The following GRID1 variants were observed in gnomAD, a reference collection of about 807,000 sequenced individuals.
GRID1 encodes glutamate ionotropic receptor delta type subunit 1, also known as glutamate receptor ionotropic, delta-1.
GRID1 carries 28 observed loss-of-function variants against 98.0 expected under a neutral mutation model. The observed-to-expected ratio is 0.29, with a 90% CI of 0.21 to 0.39. GRID1 has a LOEUF of 0.39. Ranked by LOEUF, GRID1 falls within the 10% of genes least tolerant of loss-of-function variation. The pLI is 1.00. For missense variants in GRID1, 1,111 were observed against 1,340.5 expected (o/e 0.83, Z 2.67); for synonymous variants, 553 against 538.5 (o/e 1.03, Z -0.37).
intron 4 of GRID1, among the ~76,000 whole-genome samples, chr10:86,013,870 G>A (rs1036455992): frequency 2.6e-5 from 4 of 152,204 alleles, no homozygotes. Context: ...ACTTAGTTAA[G>A]TTTTGTGGAA....
intron 4 of GRID1, among the ~76,000 whole-genome samples, chr10:86,074,053 T>A (rs1843842821): frequency 6.6e-6 from 1 of 152,238 alleles, no homozygotes; most frequent in South Asian, 2.1e-4. Context: ...ATAGTCCATC[T>A]GTTCAAAACA....
chr10:86,189,493 C>G (rs1760334958), intron 3 of GRID1, among the ~76,000 whole-genome samples: 1 of 151,694 alleles, frequency 6.6e-6, no homozygotes, highest in African/African-American at 2.4e-5. Context: ...CATCCCTACC[C>G]TCTACACACA....
intron 3 of GRID1, among the ~76,000 whole-genome samples, chr10:86,171,170 T>A (rs1425845204): frequency 6.6e-6 from 1 of 152,200 alleles, no homozygotes; most frequent in Non-Finnish European, 1.5e-5. Flanking sequence ...GTGCAGCCAC[T>A]ATGAAAAGCA....
At chr10:85,646,887 C>T (rs1843200516) in intron 13 of GRID1, 2 of 365,210 alleles carry the variant, frequency 5.5e-6, no homozygotes, top group East Asian at 1.0e-4. Flanking sequence ...CTGCTTTTGC[C>T]AATTGTTCTC....
At chr10:85,748,355 G>C (rs1842016527) in intron 8 of GRID1, among the ~76,000 whole-genome samples, 3 of 152,164 alleles carry the variant, frequency 2.0e-5, no homozygotes, top group Admixed American at 2.0e-4. Flanking sequence ...CAATTCATGT[G>C]ACTATCCTAT....
chr10:86,148,800 A>G (rs1354778297), intron 3 of GRID1, among the ~76,000 whole-genome samples: 2 of 152,182 alleles, frequency 1.3e-5, no homozygotes, highest in African/African-American at 2.4e-5. Context: ...GATTAGGAAA[A>G]GGCACGGAGA....
At chr10:85,764,760 C>A (rs1399524887) in intron 8 of GRID1, among the ~76,000 whole-genome samples, 2 of 152,208 alleles carry the variant, frequency 1.3e-5, no homozygotes, top group African/African-American at 2.4e-5. Context: ...TTACTCTGCA[C>A]ATAGCTTGCA....
Position 85,602,615 on chromosome 10 carries a change from C to T in GRID1, c.2688G>A (p.Ala896=), listed in dbSNP as rs3750688. 7.3e-5 allele frequency: 118 copies of T among 1,613,982 alleles called. No individual in the cohort carries two copies. In the East Asian group the frequency reaches 1.8e-3, roughly 24 times the overall value. Residue 896 remains alanine (A), a synonymous_variant, in exon 16 of 16, where the codon GCG becomes GCA. Transcript: ENST00000327946. ...TCTCCAGGGCCGAGAGCTCAATCGA[C>T]GCTGGGGAAATCTGCTTGTGAGCAA... ...EDIAHKQISP[A]SIELSALEMG...
At chr10:85,720,832 C>T (rs865868759) in intron 12 of GRID1, among the ~76,000 whole-genome samples, 3 of 152,040 alleles carry the variant, frequency 2.0e-5, no homozygotes, top group African/African-American at 7.2e-5. Flanking sequence ...ACATCAAAAG[C>T]GTGATTCGTG....
At chr10:85,607,499 A>G (rs1590156310) in intron 15 of GRID1, among the ~76,000 whole-genome samples, 1 of 152,200 alleles carries the variant, frequency 6.6e-6, no homozygotes, top group African/African-American at 2.4e-5. Context: ...GGGGTCTGAG[A>G]GTATTGGCTG....
chr10:85,704,816 T>G lies in GRID1; in HGVS notation c.1997+18187A>C, dbSNP rs571938412. On this transcript the variant is annotated intron_variant, in intron 12 of 15. Transcript: ENST00000327946. ...AACTAGAACTCAGGATTAAGAAACT[T>G]ACTCAAAACCGCTCAACTACATGGA... 1.6e-3 allele frequency among the ~76,000 whole-genome samples: 247 copies of G among 152,124 alleles called. 6 individuals carry two copies. The South Asian group carries it at 0.048, about 30-fold the overall frequency.
rs1840993442 is a variant in GRID1, at chr10:85,880,666, A to T, written c.781-11486T>A. ...CTATGACAAACCCACAGCCAATATC[A>T]TACTGAATGGGCAAAAACTGGAAGC... On this transcript the variant is annotated intron_variant, in intron 5 of 15. Transcript: ENST00000327946. Among the ~76,000 whole-genome samples, 5 of 152,146 alleles carry T rather than the reference A, an allele frequency of 3.3e-5. No homozygotes were observed. In the South Asian group the frequency reaches 1.0e-3, roughly 32 times the overall value.
chr10:85,997,607 C>G (rs1842755481), intron 4 of GRID1, among the ~76,000 whole-genome samples: 1 of 150,784 alleles, frequency 6.6e-6, no homozygotes, highest in Admixed American at 6.6e-5. Flanking sequence ...TACATAAAAC[C>G]AAAAGGAATG....
intron 4 of GRID1, among the ~76,000 whole-genome samples, chr10:85,925,196 A>T (rs187781647): frequency 6.6e-6 from 1 of 152,290 alleles, no homozygotes; most frequent in East Asian, 1.9e-4. Context: ...AGGGCACAGA[A>T]ACCAAATAAG....
At position 85,867,879 on chromosome 10, in the gene GRID1, G is replaced by A. The variant is rs531915884; in HGVS notation, c.951+1131C>T. ...AAAACATTTCTCATGTTTACCATCC[G>A]TTGAGGCATGTTTCCTTTTTCTCTC... On this transcript the variant is annotated intron_variant, in intron 6 of 15. Transcript: ENST00000327946. Among the ~76,000 whole-genome samples the A allele has an allele frequency of 1.1e-4, 17 of 152,312 alleles. No homozygotes were observed. The East Asian group carries it at 1.5e-3, about 14-fold the overall frequency.
intron 8 of GRID1, among the ~76,000 whole-genome samples, chr10:85,801,493 A>G (rs1032436917): frequency 2.6e-5 from 4 of 151,932 alleles, no homozygotes; most frequent in African/African-American, 9.6e-5. Flanking sequence ...CTTTAAAACA[A>G]ATTCTAAATA....
At position 85,820,003 on chromosome 10, in the gene GRID1, AAGGAAGGAAGGAAGGAAGGAAGGAAGGC is replaced by A. The variant is rs1842749180; in HGVS notation, c.1233+34465_1233+34492del. On this transcript the variant is annotated intron_variant, in intron 8 of 15. Transcript: ENST00000327946. ...GAAGGAAGGAAGGAAGGAAGGAAGG[AAGGAAGGAAGGAAGGAAGGAAGGAAGGC>A]AGGCAGGCAGGCAGGCAGGCAGGCA... Among the ~76,000 whole-genome samples, 7 of 116,358 alleles carry A rather than the reference AAGGAAGGAAGGAAGGAAGGAAGGAAGGC, an allele frequency of 6.0e-5. No homozygotes were observed. The Admixed American group carries it at 6.0e-4, about 10-fold the overall frequency. 76.3% of individuals were successfully genotyped at this position (116,358 alleles called of 152,430 possible). A position where few individuals can be genotyped will look rare whatever the true frequency, so the allele number is the denominator to read the frequency against.
At chr10:85,768,819 C>A (rs1397604227) in intron 8 of GRID1, among the ~76,000 whole-genome samples, 1 of 152,194 alleles carries the variant, frequency 6.6e-6, no homozygotes, top group Admixed American at 6.5e-5. Context: ...TCTGTGGAGG[C>A]AACTTGGCAA....
At chr10:85,851,654 G>A (rs1226580969) in intron 8 of GRID1, among the ~76,000 whole-genome samples, 1 of 152,154 alleles carries the variant, frequency 6.6e-6, no homozygotes, top group Non-Finnish European at 1.5e-5. Flanking sequence ...TGTTTTGTCT[G>A]TGTCTGGTTT....
Sources: allele counts gnomAD v4.1 joint callset (sites outside exome capture counted in the v4.1 genomes callset), GRCh38; gene constraint gnomAD v4.1.1; transcripts MANE v1.5; gene names NCBI Gene and HGNC (gene_info 2026-07-23, HGNC 2026-07-21).